CCDC33: variants seen among roughly 807,000 people sequenced by gnomAD.
CCDC33 encodes the protein coiled-coil domain-containing protein 33.
In CCDC33, 94 loss-of-function variants were observed where a neutral mutation model predicts 91.9. The ratio of observed to expected loss-of-function variants is 1.02; its 90% CI spans 0.87 to 1.21. CCDC33 has a LOEUF of 1.21. CCDC33 is among the 50% of genes most tolerant of loss of function. The pLI is 0.00. For synonymous variants in CCDC33, 396 were observed against 374.5 expected, an observed-to-expected ratio of 1.06 and a Z score of -0.66; for missense variants, 940 against 935.5, an observed-to-expected ratio of 1.00 and a Z score of -0.06.
At chr15:74,279,924 C>T in intron 7 of CCDC33, 39 bp from the exon 8 acceptor site, 1 of 1,598,642 alleles carries the variant, frequency 6.3e-7, no homozygotes. Flanking sequence ...TTGGGAGAAG[C>T]TGTGGCCCCC....
At chr15:74,314,262 T>C (rs2060049310) in intron 11 of CCDC33, among the ~76,000 whole-genome samples, 1 of 152,212 alleles carries the variant, frequency 6.6e-6, no homozygotes, top group African/African-American at 2.4e-5. Context: ...TACAAGCTAC[T>C]TGGGGACAGA....
chr15:74,295,874 A>G lies in CCDC33; in HGVS notation c.1216A>G (p.Thr406Ala). Residue 406 changes from threonine to alanine, a missense_variant, in exon 11 of 19, where the codon ACA becomes GCA. Transcript: ENST00000398814. ...CTGGTCCAAGGACACAGTGAGCTCCACAATGGACTTGAGCACGTCCACTCC... is the reference window on the plus strand; with the variant it reads ...CTGGTCCAAGGACACAGTGAGCTCCGCAATGGACTTGAGCACGTCCACTCC... ...ESWSKDTVSS[T>A]MDLSTSTPRE... 6.2e-7 allele frequency: 1 copy of G among 1,614,200 alleles called. No homozygotes were observed. The highest frequency in any genetic ancestry group is 8.5e-7 in the Non-Finnish European group (1 of 1,180,026).
chr15:74,311,745 A>G (rs2059997866), intron 11 of CCDC33: 1 of 152,246 alleles, frequency 6.6e-6, no homozygotes, highest in African/African-American at 2.4e-5. Flanking sequence ...CTCATCGAGA[A>G]GGCAGGAATG....
chr15:74,307,703 T>A (rs1016784631), intron 11 of CCDC33, among the ~76,000 whole-genome samples: 17 of 146,190 alleles, frequency 1.2e-4, no homozygotes, highest in Admixed American at 1.1e-3. Context: ...TTTGAGAGTA[T>A]AAGCAAGGCC....
chr15:74,213,570 G>A (rs142604315), upstream of CCDC33: 69 of 152,370 alleles, frequency 4.5e-4, no homozygotes, highest in African/African-American at 1.7e-3. Flanking sequence ...GCCTCTTGTT[G>A]GTGATTTCTA....
At chr15:74,254,294 G>A (rs576056658) in intron 2 of CCDC33, among the ~76,000 whole-genome samples, 2 of 152,166 alleles carry the variant, frequency 1.3e-5, no homozygotes, top group Non-Finnish European at 2.9e-5. Flanking sequence ...GCCTCCCAAA[G>A]TGCTGGGATT....
intron 11 of CCDC33, among the ~76,000 whole-genome samples, chr15:74,320,482 T>A (rs1176406850): frequency 6.6e-6 from 1 of 151,796 alleles, no homozygotes; most frequent in Non-Finnish European, 1.5e-5. Flanking sequence ...CCGGGAACTC[T>A]CTGAGTGCAG....
Position 74,244,032 on chromosome 15 carries a change from A to C in CCDC33, c.69A>C (p.Glu23Asp), listed in dbSNP as rs1386131757. The change falls in exon 2 of 19, where the codon GAA becomes GAC. Residue 23 changes from glutamate (E) to aspartate (D), a missense_variant. Physicochemically the swap from Glu to Asp is conservative, Grantham distance 45 (BLOSUM62 2). Coordinates refer to ENST00000398814, the MANE Select transcript of CCDC33 (RefSeq NM_025055.5). The surrounding 1 kb of genome is among the most constrained non-coding windows in gnomAD (Gnocchi z 4.2). The stretch of plus-strand genomic sequence containing the variant: ...CCCTGATCGCCTCCCAGAGCACGGA[A>C]CCTGAGATCGGTCACCTGTCTCCCT... Reference protein sequence around the residue: ...EEPLIASQSTEPEIGHLSPSK... With the variant: ...EEPLIASQSTDPEIGHLSPSK... The C allele has an allele frequency of 3.1e-6, 5 of 1,610,584 alleles. No homozygotes were observed. Among genetic ancestry groups the C allele is most frequent in the Admixed American group, 3.3e-5 (2 of 59,734 alleles).
At chr15:74,276,295 C>T (rs1367489447) in intron 7 of CCDC33, among the ~76,000 whole-genome samples, 1 of 152,220 alleles carries the variant, frequency 6.6e-6, no homozygotes, top group Non-Finnish European at 1.5e-5. Context: ...TGTCGGACTT[C>T]ACCTGGTCCA....
chr15:74,244,209 G>C lies in CCDC33; in HGVS notation c.185+61G>C. ...GTTGGGCTGTGAGCAGAAACCAGGG[G>C]ACAGCTATTTGGAATACTAGCACCC... On this transcript the variant is annotated intron_variant, in intron 2 of 18. Coordinates refer to ENST00000398814, the MANE Select transcript of CCDC33 (RefSeq NM_025055.5). The surrounding 1 kb of genome is among the most constrained non-coding windows in gnomAD (Gnocchi z 4.2). 1 of 1,554,244 alleles carries C rather than the reference G, an allele frequency of 6.4e-7. No individual in the cohort carries two copies. The highest frequency in any genetic ancestry group is 2.3e-5 in the East Asian group (1 of 44,242).
intron 2 of CCDC33, among the ~76,000 whole-genome samples, chr15:74,229,597 C>G (rs560907390): frequency 2.6e-5 from 4 of 152,258 alleles, no homozygotes; most frequent in Non-Finnish European, 5.9e-5. Flanking sequence ...CAGAATATTG[C>G]TCACTGTTAG....
chr15:74,292,585 T>A (rs2059605020), intron 10 of CCDC33, among the ~76,000 whole-genome samples: 1 of 152,168 alleles, frequency 6.6e-6, no homozygotes, highest in South Asian at 2.1e-4. Context: ...GATTTCACTA[T>A]AAAATTCACC....
At chr15:74,280,172 C>T (rs1336430517) in intron 8 of CCDC33, 80 bp downstream of exon 8, 3 of 1,522,064 alleles carry the variant, frequency 2.0e-6, no homozygotes, top group Non-Finnish European at 2.7e-6. Context: ...GACCATCCCA[C>T]CTCTGCCTCC....
chr15:74,274,077 A>T (rs2076390575), intron 7 of CCDC33, among the ~76,000 whole-genome samples: 1 of 151,594 alleles, frequency 6.6e-6, no homozygotes, highest in Non-Finnish European at 1.5e-5. Context: ...TGACCTGTCC[A>T]CCTCGGCCTC....
chr15:74,210,931 T>G (rs1936769007), intron 2 of CCDC33, among the ~76,000 whole-genome samples: 2 of 152,094 alleles, frequency 1.3e-5, no homozygotes, highest in South Asian at 4.1e-4. Flanking sequence ...GACTATGAGA[T>G]AGAAGTCATG....
At chr15:74,260,066 T>G (rs759013834) in intron 2 of CCDC33, among the ~76,000 whole-genome samples, 1 of 152,154 alleles carries the variant, frequency 6.6e-6, no homozygotes, top group African/African-American at 2.4e-5. Context: ...AAGTAGCAGA[T>G]CGGGTGGCTG....
At chr15:74,211,624 G>A (rs1020782429) in intron 2 of CCDC33, among the ~76,000 whole-genome samples, 17 of 151,964 alleles carry the variant, frequency 1.1e-4, no homozygotes, top group African/African-American at 3.9e-4. Flanking sequence ...GGCTGGTCTC[G>A]AACTCCTAAC....
Position 74,262,568 on chromosome 15 carries a change from A to G in CCDC33, c.314A>G (p.Gln105Arg), listed in dbSNP as rs1388668815. 1 of 1,612,738 alleles carries G rather than the reference A, an allele frequency of 6.2e-7. No homozygotes were observed. Among genetic ancestry groups the G allele is most frequent in the East Asian group, 2.2e-5 (1 of 44,856 alleles). ...GAGATCCAAGCTGAGGATGCAGGGCAAGAAGGTAAGCAGGGGCTGGGCAGG... is the reference window on the plus strand; with the variant it reads ...GAGATCCAAGCTGAGGATGCAGGGCGAGAAGGTAAGCAGGGGCTGGGCAGG... ...NVEIQAEDAG[Q>R]EDVILKVVDN... is the part of the protein sequence containing the mutation. The change falls in exon 3 of 19, where the codon CAA becomes CGA. Residue 105 changes from glutamine to arginine, a missense_variant. By Grantham distance (43) the Gln-to-Arg change is conservative (BLOSUM62 1). Coordinates refer to ENST00000398814, the MANE Select transcript of CCDC33 (RefSeq NM_025055.5).
In CCDC33 at chr15:74,254,506, G is replaced by C. The variant is rs188605809; in HGVS notation, c.186-7934G>C. 1.6e-4 allele frequency among the ~76,000 whole-genome samples: 24 copies of C among 152,288 alleles called. 1 individual carries two copies. The highest frequency in any genetic ancestry group is 3.4e-3 in the Middle Eastern group (1 of 294). Reference sequence around the variant, plus strand: ...ACCGGTGCCTCCAGCTTTGCTGACTGGTCCCCCTCTGCCAGGGGAGTGACC... The same window carrying C: ...ACCGGTGCCTCCAGCTTTGCTGACTCGTCCCCCTCTGCCAGGGGAGTGACC... On this transcript the variant is annotated intron_variant, in intron 2 of 18. Coordinates refer to ENST00000398814, the MANE Select transcript of CCDC33 (RefSeq NM_025055.5).
Sources: gnomAD v4.1 joint callset for allele counts (sites outside exome capture counted in the v4.1 genomes callset) on GRCh38, gnomAD v4.1.1 for gene constraint, Gnocchi (gnomAD v3.1) non-coding constraint, MANE v1.5 for transcripts, NCBI Gene and HGNC (gene_info 2026-07-23, HGNC 2026-07-21) for gene names.